ZNF337: variants seen among roughly 807,000 people sequenced by gnomAD.
ZNF337 encodes the protein zinc finger protein 337.
ZNF337 carries 8 observed loss-of-function variants against 12.1 expected under a neutral mutation model. The ratio of observed to expected loss-of-function variants is 0.66; its 90% CI spans 0.39 to 1.19. The LOEUF is 1.19. Ranked by LOEUF, ZNF337 falls within the 50% of genes most tolerant of loss-of-function variation. ZNF337 has a pLI of 0.01. For synonymous variants in ZNF337, 336 were observed against 320.0 expected, an observed-to-expected ratio of 1.05 and a Z score of -0.53; for missense variants, 882 against 896.6, an observed-to-expected ratio of 0.98 and a Z score of 0.21.
chr20:25,675,258 C>T lies in ZNF337; in HGVS notation c.2030G>A (p.Arg677Gln), dbSNP rs140472566. 32 of 1,614,000 alleles carry T rather than the reference C, an allele frequency of 2.0e-5. No individual in the cohort carries two copies. Among genetic ancestry groups the T allele is most frequent in the Admixed American group, 3.3e-5 (2 of 59,992 alleles). ...AAAAGGCTTCTCCTTTGAGTGTATCCGCCAGTGGTGTCTGGTGAGACTTCT... is the reference window on the plus strand; with the variant it reads ...AAAAGGCTTCTCCTTTGAGTGTATCTGCCAGTGGTGTCTGGTGAGACTTCT... ...WKRSLTRHHW[R>Q]IHSKEKPFVC... The change falls in exon 5 of 5, where the codon CGG (arginine) becomes CAG (glutamine). Residue 677 changes from arginine to glutamine, a missense_variant. By Grantham distance (43) the Arg-to-Gln change is conservative (BLOSUM62 1). Coordinates refer to ENST00000252979, the MANE Select transcript of ZNF337 (RefSeq NM_015655.4).
chr20:25,674,308 G>C lies in ZNF337; in HGVS notation c.*724C>G, dbSNP rs559843716. The C allele has an allele frequency of 2.6e-5, 4 of 152,308 alleles. No individual in the cohort carries two copies. Among genetic ancestry groups the C allele is most frequent in the South Asian group, 2.1e-4 (1 of 4,826 alleles). 9.4% of individuals were successfully genotyped at this position (152,308 alleles called of 1,614,324 possible). ...GTGCAGTTGTCTGTTGAGGGCTCAT[G>C]TCTGTTTCCAAGATGATGCCTTCAT... On this transcript the variant is annotated 3_prime_UTR_variant, in exon 5 of 5. Transcript: ENST00000252979.
chr20:25,683,266 A>ATCC (rs1307705033), intron 4 of ZNF337, among the ~76,000 whole-genome samples: 2 of 151,824 alleles, frequency 1.3e-5, no homozygotes, highest in Non-Finnish European at 2.9e-5. Flanking sequence ...CATCATCATC[A>ATCC]TCATGAGTCC....
rs1046680107 is a variant in ZNF337 at position 25,673,694 on chromosome 20, C to T, written c.*1338G>A. Among the ~76,000 whole-genome samples, 2 of 152,202 alleles carry T rather than the reference C, an allele frequency of 1.3e-5. No homozygotes were observed. Among genetic ancestry groups the T allele is most frequent in the African/African-American group, 4.8e-5 (2 of 41,456 alleles). On this transcript the variant is annotated 3_prime_UTR_variant, in exon 5 of 5. Transcript: ENST00000252979. ...TTTGGGCAATAATTCTGCCTTCTAT[C>T]CAAGAAGATAAAGGCCTTGTAAGCA...
chr20:25,692,783 T>C (rs1221345770), intron 1 of ZNF337, among the ~76,000 whole-genome samples: 1 of 152,154 alleles, frequency 6.6e-6, no homozygotes, highest in Non-Finnish European at 1.5e-5. Context: ...ATAAATTAGA[T>C]ATGAATATGA....
intron 1 of ZNF337, among the ~76,000 whole-genome samples, chr20:25,694,510 T>C (rs2065904757): frequency 6.6e-6 from 1 of 152,074 alleles, no homozygotes; most frequent in Non-Finnish European, 1.5e-5. Context: ...AATGAAATGA[T>C]TAAAATCAGT....
At chr20:25,686,518 G>A in intron 1 of ZNF337, 52 bp from the exon 2 acceptor site, 4 of 1,369,900 alleles carry the variant, frequency 2.9e-6, no homozygotes, top group Non-Finnish European at 3.1e-6. Flanking sequence ...CCCTCCCCAT[G>A]TGTGACAGTT....
At chr20:25,679,896 CT>C (rs2065751019) in intron 4 of ZNF337, among the ~76,000 whole-genome samples, 1 of 152,140 alleles carries the variant, frequency 6.6e-6, no homozygotes, top group Admixed American at 6.5e-5. Context: ...TGGAATTAAC[CT>C]AAATGTCCAT....
At chr20:25,689,421 T>G (rs1290755337) in intron 1 of ZNF337, among the ~76,000 whole-genome samples, 1 of 152,250 alleles carries the variant, frequency 6.6e-6, no homozygotes, top group African/African-American at 2.4e-5. Flanking sequence ...CATGTATTGC[T>G]GGATACTACT....
In ZNF337 at chr20:25,674,896, G is replaced by C. The variant is rs571780893; in HGVS notation, c.*136C>G. On this transcript the variant is annotated 3_prime_UTR_variant, in exon 5 of 5. Transcript: ENST00000252979. ...CTTGGGGACACATGGGTTGAATTCA[G>C]GTTCTCTGTAGCCCTCTGGATTCTG... 6 of 760,912 alleles carry C rather than the reference G, an allele frequency of 7.9e-6. No homozygotes were observed. In the African/African-American group the frequency reaches 1.1e-4, roughly 13 times the overall value. 47.1% of individuals were successfully genotyped at this position (760,912 alleles called of 1,614,324 possible). A position where few individuals can be genotyped will look rare whatever the true frequency, so the allele number is the denominator to read the frequency against.
chr20:25,689,413 T>C (rs2065865331), intron 1 of ZNF337, among the ~76,000 whole-genome samples: 1 of 152,232 alleles, frequency 6.6e-6, no homozygotes. Flanking sequence ...ATCCTTTTCA[T>C]GTATTGCTGG....
chr20:25,679,647 G>C (rs2122379319), intron 4 of ZNF337, among the ~76,000 whole-genome samples: 1 of 151,982 alleles, frequency 6.6e-6, no homozygotes, highest in South Asian at 2.1e-4. Context: ...TTATCAAAAA[G>C]AGAAAAAATA....
chr20:25,686,266 AAGAC>A, intron 2 of ZNF337, 121 bp downstream of exon 2: 2 of 1,478,264 alleles, frequency 1.4e-6, no homozygotes, highest in South Asian at 1.2e-5. Flanking sequence ...GACGCCAGGA[AAGAC>A]AGATCACTCC....
rs1441503484 is a variant in ZNF337 at position 25,676,572 on chromosome 20, C to T, written c.716G>A (p.Ser239Asn). 2.5e-6 allele frequency: 4 copies of T among 1,614,078 alleles called. No individual in the cohort carries two copies. Among genetic ancestry groups the T allele is most frequent in the Non-Finnish European group, 3.4e-6 (4 of 1,180,008 alleles). Residue 239 changes from serine to asparagine, a missense_variant, in exon 5 of 5, where the codon AGT becomes AAT. Physicochemically the swap from Ser to Asn is conservative, Grantham distance 46. Coordinates refer to ENST00000252979, the MANE Select transcript of ZNF337 (RefSeq NM_015655.4). ...GAGGCTGAAGCCTCGCCCACACACA[C>T]TGCACACATAGGACTTCTCTCCTGT... The part of the protein sequence containing the change: ...THTGEKSYVC[S>N]VCGRGFSLKA...
rs777429831 is a variant in ZNF337, at chr20:25,686,386, C to T, written c.27+5G>A. ...AGCAAGAACGACAGTTCTGGGAAGT[C>T]TCACCTGTCTCCTGGCTCCCTGAGG... On this transcript the variant is annotated splice_donor_5th_base_variant and intron_variant, in intron 2 of 4. Transcript: ENST00000252979. The T allele has an allele frequency of 3.7e-6, 6 of 1,613,532 alleles. No homozygotes were observed. Among genetic ancestry groups the T allele is most frequent in the Non-Finnish European group, 5.1e-6 (6 of 1,179,604 alleles).
At position 25,675,727 on chromosome 20, in the gene ZNF337, A is replaced by C. The variant is rs779822836; in HGVS notation, c.1561T>G (p.Cys521Gly). ...GGCTTCAAGGTAAAGCCTCGCCCAC[A>C]ATCCCTGCAGAAAAAACGTTTCTCA... ...LGEKRFFCRDCGRGFTLKPNL... is the reference protein window; with the variant it reads ...LGEKRFFCRDGGRGFTLKPNL... The change falls in exon 5 of 5, where the codon TGT (cysteine) becomes GGT (glycine). Residue 521 changes from cysteine to glycine, a missense_variant. Physicochemically the swap from Cys to Gly is radical, Grantham distance 159. Coordinates refer to ENST00000252979, the MANE Select transcript of ZNF337 (RefSeq NM_015655.4). 2 of 1,614,002 alleles carry C rather than the reference A, an allele frequency of 1.2e-6. No individual in the cohort carries two copies. The highest frequency in any genetic ancestry group is 1.7e-5 in the Admixed American group (1 of 59,994).
chr20:25,694,971 T>C (rs2065908566), intron 1 of ZNF337, among the ~76,000 whole-genome samples: 1 of 152,124 alleles, frequency 6.6e-6, no homozygotes, highest in African/African-American at 2.4e-5. Context: ...CTTTCTTAGG[T>C]CTGGAAGAGA....
At chr20:25,678,276 C>G (rs577321287) in intron 4 of ZNF337, among the ~76,000 whole-genome samples, 1 of 152,174 alleles carries the variant, frequency 6.6e-6, no homozygotes, top group Non-Finnish European at 1.5e-5. Flanking sequence ...ATCAAGAAAG[C>G]AATCCCATTT....
At chr20:25,688,918 C>A (rs1438605432) in intron 1 of ZNF337, among the ~76,000 whole-genome samples, 1 of 152,050 alleles carries the variant, frequency 6.6e-6, no homozygotes. Context: ...TCCTCGTGGT[C>A]AGGAGATTGA....
In ZNF337 at chr20:25,673,225, G is replaced by C. The variant is rs937949455; in HGVS notation, c.*1807C>G. 1.3e-5 allele frequency among the ~76,000 whole-genome samples: 2 copies of C among 152,174 alleles called. No homozygotes were observed. The highest frequency in any genetic ancestry group is 4.8e-5 in the African/African-American group (2 of 41,436). On this transcript the variant is annotated 3_prime_UTR_variant, in exon 5 of 5. Transcript: ENST00000252979. ...TGTAAATGTGTTTAATATGGAAGAG[G>C]AGCACAGAATTCTGGTGAACCCACA...
Sources: allele counts gnomAD v4.1 joint callset (sites outside exome capture counted in the v4.1 genomes callset), GRCh38; gene constraint gnomAD v4.1.1; transcripts MANE v1.5; gene names NCBI Gene and HGNC (gene_info 2026-07-23, HGNC 2026-07-21).